Variants in PANX2 observed in about 807,000 individuals in gnomAD.
PANX2 encodes the protein pannexin 2.
PANX2 carries 30 observed loss-of-function variants against 38.7 expected under a neutral mutation model. The observed-to-expected ratio is 0.78, with a 90% CI of 0.58 to 1.05. PANX2 has a LOEUF of 1.05. Ranked by LOEUF, PANX2 falls within the 50% of genes least tolerant of loss-of-function variation. PANX2 has a pLI of 0.00. For synonymous variants in PANX2, 539 were observed against 472.1 expected, an observed-to-expected ratio of 1.14 and a Z score of -1.84; for missense variants, 880 against 979.3, an observed-to-expected ratio of 0.90 and a Z score of 1.35.
chr22:50,175,153 C>G (rs755236084), intron 1 of PANX2, among the ~76,000 whole-genome samples: 35 of 152,164 alleles, frequency 2.3e-4, no homozygotes, highest in African/African-American at 8.4e-4. Flanking sequence ...ATGAGGAGTT[C>G]GGGTCCAAGT....
At position 50,179,320 on chromosome 22, in the gene PANX2, T is replaced by A; in HGVS notation, c.*43T>A. Reference sequence around the variant, plus strand: ...GCCGCCGAGAGCCCCTCTGCCTGTGTCGTGTGGCCTGGCCAGCCTCCCGGT... The same window carrying A: ...GCCGCCGAGAGCCCCTCTGCCTGTGACGTGTGGCCTGGCCAGCCTCCCGGT... On this transcript the variant is annotated 3_prime_UTR_variant, in exon 3 of 3. Transcript: ENST00000395842. The A allele has an allele frequency of 1.3e-6, 2 of 1,554,032 alleles. No homozygotes were observed. The highest frequency in any genetic ancestry group is 2.3e-5 in the South Asian group (2 of 86,630).
chr22:50,178,901 G>C lies in PANX2; in HGVS notation c.1691-33G>C. The C allele has an allele frequency of 2.6e-6, 4 of 1,516,222 alleles. No individual in the cohort carries two copies. The Admixed American group carries it at 5.9e-5, about 22-fold the overall frequency. 93.9% of individuals were successfully genotyped at this position (1,516,222 alleles called of 1,614,324 possible). A position where few individuals can be genotyped will look rare whatever the true frequency, so the allele number is the denominator to read the frequency against. ...GCTGGGGGCGGCGCAGCGGAGGATG[G>C]TGTGAGATGTCTGTGCTCTTGGCTG... On this transcript the variant is annotated intron_variant, in intron 2 of 2. Transcript: ENST00000395842.
Position 50,176,995 on chromosome 22 carries a change from G to T in PANX2, c.283G>T (p.Ala95Ser). Residue 95 changes from alanine (A) to serine (S), a missense_variant, in exon 2 of 3, where the codon GCC becomes TCC. Ala to Ser is a moderately conservative substitution (Grantham distance 99). Coordinates refer to ENST00000395842, the MANE Select transcript of PANX2 (RefSeq NM_052839.4). ...HNFTRDQALYARGYCWTELRD... is the reference protein window; with the variant it reads ...HNFTRDQALYSRGYCWTELRD... ...CTTCACGCGCGACCAGGCGCTGTAC[G>T]CCCGCGGCTACTGCTGGACGGAGCT... is the stretch of plus-strand genomic sequence containing the variant. The T allele has an allele frequency of 1.9e-6, 3 of 1,589,816 alleles. No individual in the cohort carries two copies. In the African/African-American group the frequency reaches 4.0e-5, roughly 21 times the overall value.
In PANX2 at chr22:50,172,895, A is replaced by ATTTT. The variant is rs1165494263; in HGVS notation, c.226+1955_226+1958dup. ...AGGCACCCGCCACCACGCCTGGCTC[A>ATTTT]TTTTTTTTTTTTTTTTTTTGAGACA... On this transcript the variant is annotated intron_variant, in intron 1 of 2. Coordinates refer to ENST00000395842, the MANE Select transcript of PANX2 (RefSeq NM_052839.4). Among the ~76,000 whole-genome samples the ATTTT allele has an allele frequency of 2.3e-3, 201 of 87,066 alleles. 5 individuals carry two copies. The highest frequency in any genetic ancestry group is 8.0e-3 in the African/African-American group (191 of 23,784). 57.1% of individuals were successfully genotyped at this position (87,066 alleles called of 152,430 possible). A position where few individuals can be genotyped will look rare whatever the true frequency, so the allele number is the denominator to read the frequency against.
intron 1 of PANX2, among the ~76,000 whole-genome samples, chr22:50,175,237 A>T (rs535657648): frequency 3.9e-5 from 6 of 152,190 alleles, no homozygotes; most frequent in Non-Finnish European, 7.4e-5. Context: ...TCCACCTTGG[A>T]GGAGGCCAGG....
At chr22:50,171,363 G>T (rs1429544284) in intron 1 of PANX2, among the ~76,000 whole-genome samples, 1 of 152,198 alleles carries the variant, frequency 6.6e-6, no homozygotes, top group African/African-American at 2.4e-5. Context: ...TACAGGGGCT[G>T]GTGGAGCTGC....
intron 1 of PANX2, 105 bp downstream of exon 1, chr22:50,171,061 A>G (rs1199579465): frequency 2.1e-6 from 1 of 475,606 alleles, no homozygotes; most frequent in East Asian, 4.0e-5. Flanking sequence ...AGCCGCGCCC[A>G]CCGTGGCCTG....
At position 50,177,989 on chromosome 22, in the gene PANX2, C is replaced by T. The variant is rs1412904640; in HGVS notation, c.1277C>T (p.Pro426Leu). 2.6e-6 allele frequency: 4 copies of T among 1,537,972 alleles called. No individual in the cohort carries two copies. Among genetic ancestry groups the T allele is most frequent in the South Asian group, 1.2e-5 (1 of 83,854 alleles). ...GCCGAGCCGCCCGTGGTCAAGCGGC[C>T]GCGCAAGAAGATGAAGTGGATCCCC... Reference protein sequence around the residue: ...GAAEPPVVKRPRKKMKWIPTS... With the variant: ...GAAEPPVVKRLRKKMKWIPTS... Residue 426 changes from proline (P) to leucine (L), a missense_variant, in exon 2 of 3, where the codon CCG (proline) becomes CTG (leucine). By Grantham distance (98) the Pro-to-Leu change is moderately conservative. Coordinates refer to ENST00000395842, the MANE Select transcript of PANX2 (RefSeq NM_052839.4).
Position 50,177,403 on chromosome 22 carries a change from C to T in PANX2, c.691C>T (p.His231Tyr). ...NFLAKLYLARHVLILLLSAVP... is the reference protein window; with the variant it reads ...NFLAKLYLARYVLILLLSAVP... ...CCTGGCCAAGCTGTACCTGGCGCGG[C>T]ACGTGCTGATCCTGCTGCTGAGCGC... Residue 231 changes from histidine (H) to tyrosine (Y), a missense_variant, in exon 2 of 3, where the codon CAC becomes TAC. Physicochemically the swap from His to Tyr is moderately conservative, Grantham distance 83. Coordinates refer to ENST00000395842, the MANE Select transcript of PANX2 (RefSeq NM_052839.4). 1 of 1,609,146 alleles carries T rather than the reference C, an allele frequency of 6.2e-7. No individual in the cohort carries two copies. The highest frequency in any genetic ancestry group is 8.5e-7 in the Non-Finnish European group (1 of 1,178,336).
At position 50,177,144 on chromosome 22, in the gene PANX2, C is replaced by T. The variant is rs267606285; in HGVS notation, c.432C>T (p.Phe144=). 6.2e-7 allele frequency: 1 copy of T among 1,607,630 alleles called. No individual in the cohort carries two copies. The highest frequency in any genetic ancestry group is 1.3e-5 in the African/African-American group (1 of 74,816). Residue 144 remains phenylalanine, a synonymous_variant, in exon 2 of 3, where the codon TTC becomes TTT. Coordinates refer to ENST00000395842, the MANE Select transcript of PANX2 (RefSeq NM_052839.4). ...ACGTGCCCGCGCTGGGCTGGGAGTTCCTGGCCTCCACGCGCCTCACCTCCG... is the reference window on the plus strand; with the variant it reads ...ACGTGCCCGCGCTGGGCTGGGAGTTTCTGGCCTCCACGCGCCTCACCTCCG... The part of the protein sequence containing the change: ...IMYVPALGWE[F]LASTRLTSEL...
Position 50,170,853 on chromosome 22 carries a change from T to C in PANX2, c.123T>C (p.Leu41=). ...DDKAGALAAL[L]LQLKLELPFD... ...AGGCGGGCGCGCTGGCCGCGCTGCT[T>C]CTGCAGCTGAAGCTGGAGCTGCCGT... Residue 41 remains leucine (L), a synonymous_variant, in exon 1 of 3, where the codon CTT becomes CTC. Coordinates refer to ENST00000395842, the MANE Select transcript of PANX2 (RefSeq NM_052839.4). The C allele has an allele frequency of 6.6e-7, 1 of 1,507,244 alleles. No homozygotes were observed. Among genetic ancestry groups the C allele is most frequent in the South Asian group, 1.2e-5 (1 of 80,276 alleles). 93.4% of individuals were successfully genotyped at this position (1,507,244 alleles called of 1,614,324 possible). A position where few individuals can be genotyped will look rare whatever the true frequency, so the allele number is the denominator to read the frequency against.
rs768269340 is a variant in PANX2, at chr22:50,178,223, C to G, written c.1511C>G (p.Ala504Gly). 6.7e-7 allele frequency: 1 copy of G among 1,493,550 alleles called. No homozygotes were observed. Among genetic ancestry groups the G allele is most frequent in the Non-Finnish European group, 8.8e-7 (1 of 1,130,096 alleles). The allele number at this position is 1,493,550 out of a possible 1,614,324, so 92.5% of individuals were successfully genotyped here. Residue 504 changes from alanine (A) to glycine (G), a missense_variant, in exon 2 of 3, where the codon GCC (alanine) becomes GGC (glycine). Around this residue, in one of 4 missense-constraint regions of PANX2, gnomAD observed 445 missense variants for 404.3 expected, o/e 1.10. Transcript: ENST00000395842. ...GPAPAPAPPPAPDKKHARHFS... is the reference protein window; with the variant it reads ...GPAPAPAPPPGPDKKHARHFS... The stretch of plus-strand genomic sequence containing the variant: ...GCCCCTGCCCCCGCCCCGCCGCCCG[C>G]CCCTGACAAGAAGCACGCGCGCCAC...
rs777991143 is a variant in PANX2, at chr22:50,178,136, C to A, written c.1424C>A (p.Pro475Gln). Residue 475 changes from proline (P) to glutamine (Q), a missense_variant, in exon 2 of 3, where the codon CCG (proline) becomes CAG (glutamine). This residue lies in a region of PANX2 where 445 missense variants were observed against 404.3 expected (regional missense o/e 1.10). Coordinates refer to ENST00000395842, the MANE Select transcript of PANX2 (RefSeq NM_052839.4). ...RKTATDTLIA[P>Q]LLDRSAHHYK... is the part of the protein sequence containing the mutation. ...ACGGCCACGGACACGCTGATCGCGCCGCTGCTGGACCGCTCCGCCCACCAC... is the reference window on the plus strand; with the variant it reads ...ACGGCCACGGACACGCTGATCGCGCAGCTGCTGGACCGCTCCGCCCACCAC... 3.3e-6 allele frequency: 5 copies of A among 1,527,324 alleles called. No individual in the cohort carries two copies. Among genetic ancestry groups the A allele is most frequent in the South Asian group, 1.2e-5 (1 of 82,690 alleles). The allele number at this position is 1,527,324 out of a possible 1,614,324, so 94.6% of individuals were successfully genotyped here. A position where few individuals can be genotyped will look rare whatever the true frequency, so the allele number is the denominator to read the frequency against.
intron 1 of PANX2, among the ~76,000 whole-genome samples, chr22:50,176,028 G>A (rs573443739): frequency 3.0e-4 from 45 of 152,326 alleles, no homozygotes; most frequent in African/African-American, 1.1e-3. Context: ...GCTGAGGCTG[G>A]TGTGGGCCTC....
In PANX2 at chr22:50,177,290, G is replaced by C. The variant is rs2063666822; in HGVS notation, c.578G>C (p.Arg193Pro). 6.2e-7 allele frequency: 1 copy of C among 1,612,138 alleles called. No homozygotes were observed. Reference protein sequence around the residue: ...KGPGITEREKREIIENAEKEK... With the variant: ...KGPGITEREKPEIIENAEKEK... ...CCGGGCATCACGGAGCGCGAGAAGC[G>C]CGAGATCATCGAGAACGCGGAGAAG... Residue 193 changes from arginine to proline, a missense_variant, in exon 2 of 3, where the codon CGC (arginine) becomes CCC (proline). This residue lies in a region of PANX2 where 243 missense variants were observed against 333.1 expected (regional missense o/e 0.73). Coordinates refer to ENST00000395842, the MANE Select transcript of PANX2 (RefSeq NM_052839.4).
At position 50,177,791 on chromosome 22, in the gene PANX2, C is replaced by G; in HGVS notation, c.1079C>G (p.Ser360Trp). The change falls in exon 2 of 3, where the codon TCG becomes TGG. Residue 360 changes from serine to tryptophan, a missense_variant. Transcript: ENST00000395842. ...FCNENRDHIKSLNRLDFITNE... is the reference protein window; with the variant it reads ...FCNENRDHIKWLNRLDFITNE... ...AACGAGAACCGCGACCACATCAAGT[C>G]GCTCAACCGGCTGGACTTCATCACC... is the stretch of plus-strand genomic sequence containing the variant. The G allele has an allele frequency of 6.2e-7, 1 of 1,604,610 alleles. No homozygotes were observed. Among genetic ancestry groups the G allele is most frequent in the Non-Finnish European group, 8.5e-7 (1 of 1,179,784 alleles).
At chr22:50,178,807 A>T in intron 2 of PANX2, 127 bp from the exon 3 acceptor site, 1 of 775,308 alleles carries the variant, frequency 1.3e-6, no homozygotes, top group Non-Finnish European at 2.0e-6. Context: ...AGGGGCGTCC[A>T]GGCCCAGCGT....
chr22:50,172,909 T>TAG (rs2063640470), intron 1 of PANX2, among the ~76,000 whole-genome samples: 7 of 148,910 alleles, frequency 4.7e-5, no homozygotes, highest in South Asian at 4.6e-4. Context: ...TTTTTTTTTT[T>TAG]TTTTTGAGAC....
At chr22:50,174,701 T>C (rs2063652805) in intron 1 of PANX2, among the ~76,000 whole-genome samples, 2 of 152,236 alleles carry the variant, frequency 1.3e-5, no homozygotes, top group Admixed American at 1.3e-4. Flanking sequence ...AGGGTCCCAC[T>C]GTCCCTGGGA....
Sources: gnomAD v4.1 joint callset for allele counts (sites outside exome capture counted in the v4.1 genomes callset) on GRCh38, gnomAD v4.1.1 for gene constraint, gnomAD v4.1.1 regional missense constraint, MANE v1.5 for transcripts, NCBI Gene and HGNC (gene_info 2026-07-23, HGNC 2026-07-21) for gene names.